The following CFAP54 variants were observed in gnomAD, a reference collection of about 807,000 sequenced individuals.
The protein encoded by CFAP54 is cilia and flagella associated protein 54, also known as cilia- and flagella-associated protein 54.
In CFAP54, 290 loss-of-function variants were observed where a neutral mutation model predicts 370.4. The observed-to-expected ratio is 0.78, with a 90% CI of 0.71 to 0.86. The LOEUF is 0.86. CFAP54 is among the 40% of genes least tolerant of loss of function. The pLI is 0.00. For synonymous variants in CFAP54, 1,206 were observed against 1,236.5 expected (o/e 0.98, Z 0.52); for missense variants, 3,399 against 3,528.7 (o/e 0.96, Z 0.93).
chr12:96,535,637 G>A (rs1401016403), intron 12 of CFAP54, 37 bp downstream of exon 12: 13 of 1,416,220 alleles, frequency 9.2e-6, no homozygotes, highest in Non-Finnish European at 1.1e-5. Context: ...TATTAGTGTG[G>A]AAGGAGGTTT....
chr12:96,730,659 C>G (rs1375160198), intron 50 of CFAP54, among the ~76,000 whole-genome samples: 8 of 152,026 alleles, frequency 5.3e-5, no homozygotes, highest in African/African-American at 1.9e-4. Flanking sequence ...ACATTAAACC[C>G]CATTCAAATT....
At chr12:96,557,191 TCAAAGG>T (rs1955763116) in intron 17 of CFAP54, among the ~76,000 whole-genome samples, 1 of 152,170 alleles carries the variant, frequency 6.6e-6, no homozygotes. Flanking sequence ...CTTTCTATCT[TCAAAGG>T]CAACGATGAC....
At chr12:96,600,733 A>C (rs150435436) in intron 26 of CFAP54, among the ~76,000 whole-genome samples, 75 of 152,202 alleles carry the variant, frequency 4.9e-4, no homozygotes, top group African/African-American at 1.6e-3. Context: ...TGTGAATGGG[A>C]GTTCACTCAT....
intron 34 of CFAP54, among the ~76,000 whole-genome samples, chr12:96,648,269 T>C (rs1251635082): frequency 6.6e-6 from 1 of 152,230 alleles, no homozygotes; most frequent in African/African-American, 2.4e-5. Context: ...GCCAATTAGA[T>C]TGTTCAGCAA....
chr12:96,828,893 C>A, intron 65 of CFAP54, 121 bp from the exon 66 acceptor site: 1 of 495,666 alleles, frequency 2.0e-6, no homozygotes, highest in Admixed American at 3.4e-5. Context: ...CTGTCTTATC[C>A]TGGGAACAAA....
intron 4 of CFAP54, among the ~76,000 whole-genome samples, chr12:96,507,534 T>TACAC (rs34776926): frequency 0.35 from 49,061 of 140,516 alleles, 8,973 homozygotes; most frequent in Middle Eastern, 0.46. Context: ...CACACACACA[T>TACAC]ACACACACAC....
rs80001564 is a variant in CFAP54 at position 96,781,159 on chromosome 12, A to T, written c.8282-3558A>T. ...GAGTGGCAAGTTTGTGATCTCAAGTATGTCTTCAATAGCATGAATGGAGTC... is the reference window on the plus strand; with the variant it reads ...GAGTGGCAAGTTTGTGATCTCAAGTTTGTCTTCAATAGCATGAATGGAGTC... On this transcript the variant is annotated intron_variant, in intron 60 of 67. Transcript: ENST00000524981. Among the ~76,000 whole-genome samples, 183 of 152,294 alleles carry T rather than the reference A, an allele frequency of 1.2e-3. 2 individuals carry two copies. Among genetic ancestry groups the T allele is most frequent in the African/African-American group, 4.2e-3 (173 of 41,576 alleles).
chr12:96,850,997 G>T (rs779994521), intron 66 of CFAP54, among the ~76,000 whole-genome samples: 54 of 152,300 alleles, frequency 3.5e-4, no homozygotes, highest in Non-Finnish European at 5.3e-4. Flanking sequence ...CCATATCAGT[G>T]TAAAAACCAT....
At position 96,489,636 on chromosome 12, in the gene CFAP54, C is replaced by T. The variant is rs1003941064; in HGVS notation, c.27C>T (p.Ser9=). Residue 9 remains serine (S), a synonymous_variant, in exon 1 of 68, where the codon AGC becomes AGT. Coordinates refer to ENST00000524981, the MANE Select transcript of CFAP54 (RefSeq NM_001306084.2). Reference sequence around the variant, plus strand: ...TGGCGGCGCAGGGCTCCCCCTCGAGCTCTCCGTCAGACGACTCTACCACCT... The same window carrying T: ...TGGCGGCGCAGGGCTCCCCCTCGAGTTCTCCGTCAGACGACTCTACCACCT... MAAQGSPS[S]SPSDDSTTSG... The T allele has an allele frequency of 3.3e-6, 5 of 1,527,480 alleles. No homozygotes were observed. In the African/African-American group the frequency reaches 4.1e-5, roughly 13 times the overall value. 94.6% of individuals were successfully genotyped at this position (1,527,480 alleles called of 1,614,324 possible).
intron 63 of CFAP54, among the ~76,000 whole-genome samples, chr12:96,809,299 T>G (rs549654311): frequency 6.6e-6 from 1 of 152,172 alleles, no homozygotes; most frequent in Admixed American, 6.5e-5. Flanking sequence ...GGAATTTCTA[T>G]TATTCAGTTA....
intron 66 of CFAP54, among the ~76,000 whole-genome samples, chr12:96,841,760 G>A (rs1019331161): frequency 3.3e-5 from 5 of 152,206 alleles, no homozygotes; most frequent in African/African-American, 1.2e-4. Context: ...AAAGACCTCA[G>A]GTCAACTAGA....
chr12:96,771,403 A>G (rs896396733), intron 60 of CFAP54, among the ~76,000 whole-genome samples: 1 of 152,246 alleles, frequency 6.6e-6, no homozygotes, highest in Non-Finnish European at 1.5e-5. Flanking sequence ...CTGTAATCCC[A>G]GCACTTTGGG....
At chr12:96,831,625 A>G (rs954309257) in intron 66 of CFAP54, among the ~76,000 whole-genome samples, 2 of 152,120 alleles carry the variant, frequency 1.3e-5, no homozygotes, top group African/African-American at 4.8e-5. Flanking sequence ...AAGACTGAAG[A>G]CTTCTCTGAG....
At chr12:96,790,618 T>C (rs945972548) in intron 62 of CFAP54, among the ~76,000 whole-genome samples, 1 of 152,044 alleles carries the variant, frequency 6.6e-6, no homozygotes, top group African/African-American at 2.4e-5. Context: ...TGAAAATCAC[T>C]CAGATATGAA....
intron 62 of CFAP54, among the ~76,000 whole-genome samples, chr12:96,791,167 C>A (rs1016842110): frequency 4.7e-5 from 7 of 150,304 alleles, no homozygotes; most frequent in African/African-American, 1.7e-4. Context: ...AAGTAGTTTG[C>A]ACTTCATTGA....
chr12:96,866,075 T>C (rs1408561090), intron 67 of CFAP54, among the ~76,000 whole-genome samples: 1 of 152,122 alleles, frequency 6.6e-6, no homozygotes, highest in Admixed American at 6.5e-5. Context: ...ATGACTGTTA[T>C]GCAAAATGAG....
chr12:96,587,662 G>A (rs1242206517), intron 22 of CFAP54, among the ~76,000 whole-genome samples: 3 of 152,010 alleles, frequency 2.0e-5, no homozygotes. Context: ...ATGGAACAAA[G>A]AACATTATTT....
chr12:96,576,564 T>C, intron 19 of CFAP54, 21 bp from the exon 20 acceptor site: 1 of 1,463,036 alleles, frequency 6.8e-7, no homozygotes, highest in Non-Finnish European at 9.1e-7. Context: ...TATATTTTTC[T>C]ATTTTCATAT....
At chr12:96,512,664 A>G (rs947305090) in intron 4 of CFAP54, among the ~76,000 whole-genome samples, 3 of 152,068 alleles carry the variant, frequency 2.0e-5, no homozygotes, top group African/African-American at 7.2e-5. Context: ...TTTTATATGA[A>G]TTAATGAAAG....
Sources: allele counts gnomAD v4.1 joint callset (sites outside exome capture counted in the v4.1 genomes callset), GRCh38; gene constraint gnomAD v4.1.1; transcripts MANE v1.5; gene names NCBI Gene and HGNC (gene_info 2026-07-23, HGNC 2026-07-21).